AGBL4: variants seen among roughly 807,000 people sequenced by gnomAD.
AGBL4 encodes cytosolic carboxypeptidase 6.
A neutral mutation model predicts 66.4 loss-of-function variants in AGBL4; 58 were observed. The ratio of observed to expected loss-of-function variants is 0.87; its 90% CI spans 0.71 to 1.09. AGBL4 has a LOEUF of 1.09. Ranked by LOEUF, AGBL4 falls within the 50% of genes least tolerant of loss-of-function variation. The pLI is 0.00. For missense variants in AGBL4, 579 were observed against 631.0 expected, an observed-to-expected ratio of 0.92 and a Z score of 0.88; for synonymous variants, 234 against 222.9, an observed-to-expected ratio of 1.05 and a Z score of -0.44.
intron 6 of AGBL4, chr1:48,761,554 TAGAAAATA>T: frequency 7.3e-7 from 1 of 1,377,298 alleles, no homozygotes; most frequent in Non-Finnish European, 9.8e-7. Flanking sequence ...CCTCAAATGC[TAGAAAATA>T]ATTGAGGCCA....
At chr1:49,294,470 T>G (rs1052912496) in intron 3 of AGBL4, among the ~76,000 whole-genome samples, 2 of 152,226 alleles carry the variant, frequency 1.3e-5, no homozygotes, top group Non-Finnish European at 2.9e-5. Flanking sequence ...AGTGAGGGAC[T>G]GCTACAGGAT....
At chr1:49,769,352 T>G (rs2147879326) in intron 2 of AGBL4, among the ~76,000 whole-genome samples, 1 of 152,204 alleles carries the variant, frequency 6.6e-6, no homozygotes, top group South Asian at 2.1e-4. Context: ...CATGCTCAGG[T>G]ATTGTAAGAA....
At chr1:48,636,263 A>C (rs995691949) in intron 8 of AGBL4, among the ~76,000 whole-genome samples, 1 of 152,210 alleles carries the variant, frequency 6.6e-6, no homozygotes, top group African/African-American at 2.4e-5. Context: ...TATCACTCAG[A>C]TATAACTCCT....
intron 3 of AGBL4, among the ~76,000 whole-genome samples, chr1:49,568,395 A>C (rs1644257002): frequency 8.9e-6 from 1 of 112,820 alleles, no homozygotes; most frequent in Non-Finnish European, 2.2e-5. Context: ...AATTTACACA[A>C]AAAGAATAAA....
chr1:49,545,642 G>A (rs983539333), intron 3 of AGBL4, among the ~76,000 whole-genome samples: 6 of 152,306 alleles, frequency 3.9e-5, no homozygotes, highest in African/African-American at 1.4e-4. Context: ...TATGGTATAT[G>A]AGTACCTGTA....
chr1:49,087,034 A>G (rs1326914320), intron 4 of AGBL4, among the ~76,000 whole-genome samples: 2 of 147,270 alleles, frequency 1.4e-5, no homozygotes, highest in African/African-American at 5.4e-5. Context: ...GAGAAGGTAA[A>G]AGAAAAAAAA....
chr1:49,729,931 C>T (rs902056864), intron 2 of AGBL4, among the ~76,000 whole-genome samples: 3 of 152,158 alleles, frequency 2.0e-5, no homozygotes, highest in African/African-American at 7.2e-5. Flanking sequence ...AGCTGAGCTG[C>T]CAGTCCCAGA....
At chr1:49,260,394 A>C (rs1259441244) in intron 3 of AGBL4, among the ~76,000 whole-genome samples, 2 of 151,710 alleles carry the variant, frequency 1.3e-5, no homozygotes, top group African/African-American at 4.8e-5. Flanking sequence ...GGATCAACAA[A>C]ATTGATAGAC....
At chr1:49,622,917 T>C (rs1645395585) in intron 3 of AGBL4, among the ~76,000 whole-genome samples, 1 of 152,188 alleles carries the variant, frequency 6.6e-6, no homozygotes, top group African/African-American at 2.4e-5. Context: ...CCAGTTCAAA[T>C]GCAACCCCCT....
chr1:49,282,956 C>G (rs547280710), intron 3 of AGBL4, among the ~76,000 whole-genome samples: 113 of 152,338 alleles, frequency 7.4e-4, no homozygotes, highest in African/African-American at 2.6e-3. Flanking sequence ...GGGCGCCCGC[C>G]ATTGCCCAGG....
chr1:48,541,432 C>A (rs1045349015), intron 11 of AGBL4, among the ~76,000 whole-genome samples: 1 of 152,224 alleles, frequency 6.6e-6, no homozygotes, highest in African/African-American at 2.4e-5. Context: ...TAAATACCCA[C>A]ACACTCATCT....
chr1:49,956,670 T>C (rs1319922106), intron 1 of AGBL4, among the ~76,000 whole-genome samples: 3 of 151,916 alleles, frequency 2.0e-5, no homozygotes, highest in Non-Finnish European at 4.4e-5. Context: ...TCAAATGAGA[T>C]AAGATGTCAA....
intron 3 of AGBL4, among the ~76,000 whole-genome samples, chr1:49,263,358 AC>A (rs1653411585): frequency 6.6e-6 from 1 of 152,112 alleles, no homozygotes; most frequent in Non-Finnish European, 1.5e-5. Flanking sequence ...TTTCTGAAAA[AC>A]AAAAAAAGAT....
chr1:48,791,629 C>T (rs912610855), intron 6 of AGBL4, among the ~76,000 whole-genome samples: 1 of 152,140 alleles, frequency 6.6e-6, no homozygotes, highest in Non-Finnish European at 1.5e-5. Flanking sequence ...TCAGAAAAAT[C>T]GGGGTTTAAA....
At chr1:48,724,376 CTG>C (rs1257723790) in intron 6 of AGBL4, among the ~76,000 whole-genome samples, 1 of 152,160 alleles carries the variant, frequency 6.6e-6, no homozygotes, top group East Asian at 1.9e-4. Context: ...CACTTTACCC[CTG>C]TGTGTGATGA....
intron 3 of AGBL4, among the ~76,000 whole-genome samples, chr1:49,611,383 T>C (rs911395609): frequency 6.7e-6 from 1 of 148,156 alleles, no homozygotes; most frequent in African/African-American, 2.5e-5. Flanking sequence ...TCTTTTTTTT[T>C]TTTTTTTTTT....
rs191240865 is a variant in AGBL4 at position 49,475,293 on chromosome 1, C to T, written c.282+222020G>A. Among the ~76,000 whole-genome samples, 77 of 152,086 alleles carry T rather than the reference C, an allele frequency of 5.1e-4. 1 individual carries two copies. The highest frequency in any genetic ancestry group is 1.2e-4 in the Non-Finnish European group (8 of 67,956). On this transcript the variant is annotated intron_variant, in intron 3 of 13. Transcript: ENST00000371839. ...TGAATTCCAGGAATAAAGCCCACTT[C>T]ATCAGGGTGAATAAGTTTTTGATGT...
chr1:48,611,764 T>G (rs1459188384), intron 9 of AGBL4, among the ~76,000 whole-genome samples: 2 of 152,224 alleles, frequency 1.3e-5, no homozygotes, highest in Non-Finnish European at 2.9e-5. Flanking sequence ...AGCATATGCC[T>G]TTAACCACCA....
downstream of AGBL4, among the ~76,000 whole-genome samples, chr1:48,529,690 G>C (rs866265388): frequency 3.3e-4 from 51 of 152,246 alleles, no homozygotes; most frequent in Admixed American, 1.8e-3. Context: ...CAAGAAATGA[G>C]GGACATAGTA....
Sources: gnomAD v4.1 joint callset for allele counts (sites outside exome capture counted in the v4.1 genomes callset) on GRCh38, gnomAD v4.1.1 for gene constraint, MANE v1.5 for transcripts, NCBI Gene and HGNC (gene_info 2026-07-23, HGNC 2026-07-21) for gene names.